Variants in UNC13C observed in about 807,000 individuals in gnomAD.
The protein encoded by UNC13C is protein unc-13 homolog C.
In UNC13C, 174 loss-of-function variants were observed where a neutral mutation model predicts 245.4. The ratio of observed to expected loss-of-function variants is 0.71; its 90% CI spans 0.63 to 0.80. The LOEUF (loss-of-function observed/expected upper bound fraction) is 0.80. UNC13C is among the 30% of genes least tolerant of loss of function. UNC13C has a pLI of 0.00. For synonymous variants in UNC13C, 992 were observed against 895.1 expected (o/e 1.11, Z -1.93); for missense variants, 2,829 against 2,602.9 (o/e 1.09, Z -1.89).
At chr15:54,325,255 CACACACACACATACATACACACACTT>C (rs890846443) in intron 14 of UNC13C, among the ~76,000 whole-genome samples, 3 of 151,626 alleles carry the variant, frequency 2.0e-5, no homozygotes, top group African/African-American at 7.3e-5. Context: ...ACATTGAAGG[CACACACACACATACATACACACACTT>C]ACACACACAC....
intron 27 of UNC13C, 97 bp downstream of exon 27, chr15:54,546,942 T>C (rs1896511958): frequency 8.7e-7 from 1 of 1,149,502 alleles, no homozygotes; most frequent in Non-Finnish European, 1.2e-6. Flanking sequence ...TAAATCCCTT[T>C]GGGGAAAAAG....
At chr15:54,297,521 TAA>T (rs59007114) in intron 11 of UNC13C, among the ~76,000 whole-genome samples, 4 of 146,524 alleles carry the variant, frequency 2.7e-5, no homozygotes, top group African/African-American at 7.5e-5. Flanking sequence ...CCTGCCTAAT[TAA>T]AAAAAAAAAA....
intron 2 of UNC13C, among the ~76,000 whole-genome samples, chr15:54,137,350 T>C (rs184731984): frequency 6.6e-6 from 1 of 152,322 alleles, no homozygotes; most frequent in East Asian, 1.9e-4. Context: ...TGAGTAATGC[T>C]GGCCCATAAA....
intron 2 of UNC13C, among the ~76,000 whole-genome samples, chr15:54,041,717 A>T (rs1309552604): frequency 6.6e-6 from 1 of 152,220 alleles, no homozygotes; most frequent in Non-Finnish European, 1.5e-5. Flanking sequence ...AATGAAAATA[A>T]TATTACCTCA....
At chr15:54,444,810 T>C (rs1030196585) in intron 19 of UNC13C, among the ~76,000 whole-genome samples, 4 of 151,634 alleles carry the variant, frequency 2.6e-5, no homozygotes, top group Non-Finnish European at 5.9e-5. Flanking sequence ...TATATTACTT[T>C]TATATATATG....
At position 54,472,279 on chromosome 15, in the gene UNC13C, G is replaced by C. The variant is rs559530568; in HGVS notation, c.4934-22329G>C. 4.6e-5 allele frequency among the ~76,000 whole-genome samples: 7 copies of C among 151,806 alleles called. No homozygotes were observed. The South Asian group carries it at 1.4e-3, about 31-fold the overall frequency. Reference sequence around the variant, plus strand: ...CTCCTTGTTTGTGTTTGATGTCACAGTTTACATCTTTTAATAATATGCATC... The same window carrying C: ...CTCCTTGTTTGTGTTTGATGTCACACTTTACATCTTTTAATAATATGCATC... On this transcript the variant is annotated intron_variant, in intron 19 of 32. Coordinates refer to ENST00000260323, the MANE Select transcript of UNC13C (RefSeq NM_001080534.3).
At chr15:54,320,552 C>T (rs866796600) in intron 13 of UNC13C, among the ~76,000 whole-genome samples, 1 of 151,932 alleles carries the variant, frequency 6.6e-6, no homozygotes, top group Admixed American at 6.6e-5. Flanking sequence ...CAAATATAAT[C>T]CTTGAGATTT....
At chr15:54,599,617 T>C (rs1899292521) in intron 30 of UNC13C, among the ~76,000 whole-genome samples, 1 of 152,106 alleles carries the variant, frequency 6.6e-6, no homozygotes, top group Admixed American at 6.6e-5. Flanking sequence ...CCATTGTTCC[T>C]GTAGTAGTGA....
intron 27 of UNC13C, among the ~76,000 whole-genome samples, 170 bp from the exon 28 acceptor site, chr15:54,549,465 G>A (rs1313352503): frequency 6.6e-6 from 1 of 152,050 alleles, no homozygotes; most frequent in African/African-American, 2.4e-5. Flanking sequence ...ACTGCCAGCG[G>A]TACTAGATAT....
chr15:54,214,154 C>G (rs562817864), intron 4 of UNC13C, among the ~76,000 whole-genome samples: 3 of 151,704 alleles, frequency 2.0e-5, no homozygotes, highest in Non-Finnish European at 4.4e-5. Context: ...TTAATTATAC[C>G]CTAAAAATTC....
At chr15:54,450,859 C>T (rs1190761023) in intron 19 of UNC13C, among the ~76,000 whole-genome samples, 6 of 152,168 alleles carry the variant, frequency 3.9e-5, no homozygotes, top group East Asian at 1.9e-4. Context: ...TCTTCTGCAT[C>T]GCTCACACTG....
In UNC13C at chr15:54,015,499, G is replaced by C; in HGVS notation, c.2596G>C (p.Asp866His). The change falls in exon 2 of 33, where the codon GAT becomes CAT. Residue 866 changes from aspartate to histidine, a missense_variant. By Grantham distance (81) the Asp-to-His change is moderately conservative. Coordinates refer to ENST00000260323, the MANE Select transcript of UNC13C (RefSeq NM_001080534.3). ...PYYYKAEDEE[D>H]YTEPVADNET... ...TTACTATAAAGCAGAGGATGAGGAA[G>C]ATTATACTGAACCAGTGGCTGACAA... 6.2e-7 allele frequency: 1 copy of C among 1,612,864 alleles called. No individual in the cohort carries two copies. Among genetic ancestry groups the C allele is most frequent in the Non-Finnish European group, 8.5e-7 (1 of 1,179,102 alleles).
At chr15:53,898,530 C>G in the UNC13C span, among the ~76,000 whole-genome samples, 298 of 152,220 alleles carry the variant, frequency 2.0e-3, 1 homozygote, top group Non-Finnish European at 1.9e-3. Context: ...GGAGGTTACC[C>G]TGATCTCTTC....
intron 2 of UNC13C, among the ~76,000 whole-genome samples, chr15:54,042,513 C>T (rs765997110): frequency 6.6e-6 from 1 of 152,060 alleles, no homozygotes; most frequent in Non-Finnish European, 1.5e-5. Context: ...AGATGGTAAC[C>T]ACATGTCACC....
chr15:54,066,889 G>T (rs963684381), intron 2 of UNC13C, among the ~76,000 whole-genome samples: 12 of 152,108 alleles, frequency 7.9e-5, no homozygotes, highest in African/African-American at 2.7e-4. Flanking sequence ...TTAATGCCTA[G>T]ATTCCAGGGA....
intron 4 of UNC13C, among the ~76,000 whole-genome samples, chr15:54,170,662 C>G (rs546493687): frequency 6.6e-6 from 1 of 151,950 alleles, no homozygotes; most frequent in Non-Finnish European, 1.5e-5. Context: ...ACATCCTGTA[C>G]TTTAAGCTAT....
At chr15:54,616,496 TA>T (rs769552023) in intron 30 of UNC13C, among the ~76,000 whole-genome samples, 7 of 151,994 alleles carry the variant, frequency 4.6e-5, no homozygotes, top group Non-Finnish European at 8.8e-5. Flanking sequence ...TTAAAAATTT[TA>T]AAAAATGATG....
At chr15:54,478,567 T>C (rs1892909318) in intron 19 of UNC13C, among the ~76,000 whole-genome samples, 1 of 151,956 alleles carries the variant, frequency 6.6e-6, no homozygotes, top group African/African-American at 2.4e-5. Context: ...TTTCATTATG[T>C]ACCCAGTAGT....
chr15:54,267,106 C>T (rs2036566708), intron 10 of UNC13C, among the ~76,000 whole-genome samples: 1 of 151,914 alleles, frequency 6.6e-6, no homozygotes, highest in South Asian at 2.1e-4. Flanking sequence ...CAGAGTGACC[C>T]ATATGTTAAA....
Sources: allele counts gnomAD v4.1 joint callset (sites outside exome capture counted in the v4.1 genomes callset), GRCh38; gene constraint gnomAD v4.1.1; transcripts MANE v1.5; gene names NCBI Gene and HGNC (gene_info 2026-07-23, HGNC 2026-07-21).